The following NRXN3 variants were observed in gnomAD, a reference collection of about 807,000 sequenced individuals.
NRXN3 encodes neurexin 3.
Under a neutral mutation model 137.6 loss-of-function variants are expected in NRXN3, and 32 were observed. The ratio of observed to expected loss-of-function variants is 0.23; its 90% CI spans 0.18 to 0.31. NRXN3 has a LOEUF of 0.31. Among genes scored for constraint, NRXN3 ranks in the 10% least tolerant of loss-of-function variants. The probability of loss-of-function intolerance (pLI) is 1.00; values close to 1 mark genes in which losing one functional copy is unlikely to be tolerated. For missense variants in NRXN3, 1,574 were observed against 2,062.5 expected (o/e 0.76, Z 4.59); for synonymous variants, 798 against 784.5 (o/e 1.02, Z -0.29).
At chr14:79,860,661 CTTAAG>C (rs965395962) in intron 20 of NRXN3, among the ~76,000 whole-genome samples, 7 of 152,212 alleles carry the variant, frequency 4.6e-5, no homozygotes, top group South Asian at 2.1e-4. Context: ...TTAATAAATT[CTTAAG>C]TTAAGCACAC....
intron 20 of NRXN3, among the ~76,000 whole-genome samples, chr14:79,847,551 G>A (rs765456186): frequency 2.6e-5 from 4 of 152,060 alleles, no homozygotes; most frequent in Non-Finnish European, 5.9e-5. Flanking sequence ...CAAAGATTTT[G>A]TCCTAACTCA....
chr14:78,571,727 A>T (rs953605498), intron 4 of NRXN3, among the ~76,000 whole-genome samples: 1 of 152,234 alleles, frequency 6.6e-6, no homozygotes, highest in Non-Finnish European at 1.5e-5. Flanking sequence ...CACAAAGTGC[A>T]CGCACATATT....
intron 10 of NRXN3, among the ~76,000 whole-genome samples, chr14:78,845,757 T>C (rs561231985): frequency 6.6e-6 from 1 of 152,196 alleles, no homozygotes; most frequent in South Asian, 2.1e-4. Flanking sequence ...CTATAGCTGA[T>C]ACATTATAAT....
At chr14:79,695,003 C>T (rs2098730213) in intron 18 of NRXN3, among the ~76,000 whole-genome samples, 1 of 152,044 alleles carries the variant, frequency 6.6e-6, no homozygotes, top group Admixed American at 6.6e-5. Flanking sequence ...GTCTTATTCT[C>T]AAGAATTGAT....
intron 10 of NRXN3, among the ~76,000 whole-genome samples, chr14:78,875,281 T>C (rs2099111405): frequency 6.6e-6 from 1 of 152,202 alleles, no homozygotes; most frequent in Non-Finnish European, 1.5e-5. Flanking sequence ...AACTTGCTAA[T>C]TAGTCTGGAG....
chr14:79,220,437 A>G (rs2069373156), intron 15 of NRXN3, among the ~76,000 whole-genome samples: 1 of 152,166 alleles, frequency 6.6e-6, no homozygotes, highest in Admixed American at 6.5e-5. Context: ...ATTTCTTACA[A>G]TTGATGAAAC....
chr14:79,435,440 G>A (rs2095830284), intron 15 of NRXN3, among the ~76,000 whole-genome samples: 1 of 152,036 alleles, frequency 6.6e-6, no homozygotes, highest in African/African-American at 2.4e-5. Context: ...GAAAGATGTT[G>A]TGGGACAGAA....
intron 15 of NRXN3, among the ~76,000 whole-genome samples, chr14:79,370,287 G>C (rs1240047707): frequency 6.6e-6 from 1 of 150,766 alleles, no homozygotes. Flanking sequence ...AAGTTTATCG[G>C]GTTTTTTTTG....
At chr14:79,425,719 A>C (rs566221602) in intron 15 of NRXN3, among the ~76,000 whole-genome samples, 1 of 152,304 alleles carries the variant, frequency 6.6e-6, no homozygotes, top group African/African-American at 2.4e-5. Context: ...ATATTAAAAC[A>C]AAAGGCTTTG....
intron 10 of NRXN3, among the ~76,000 whole-genome samples, chr14:78,821,523 C>A (rs775269139): frequency 1.3e-5 from 2 of 151,972 alleles, no homozygotes; most frequent in African/African-American, 2.4e-5. Flanking sequence ...TTGAAAGGAG[C>A]AGAAACAGTG....
chr14:78,637,408 T>A (rs1467939576), intron 4 of NRXN3, among the ~76,000 whole-genome samples: 1 of 152,230 alleles, frequency 6.6e-6, no homozygotes, highest in Non-Finnish European at 1.5e-5. Flanking sequence ...TCTGTGTGCC[T>A]ATATCACCTA....
intron 11 of NRXN3, among the ~76,000 whole-genome samples, chr14:78,964,732 C>A (rs2099414260): frequency 6.6e-6 from 1 of 151,676 alleles, no homozygotes; most frequent in Non-Finnish European, 1.5e-5. Flanking sequence ...AATTTCTACT[C>A]TGGCCACATT....
Position 78,968,213 on chromosome 14 carries a change from C to G in NRXN3, c.3009C>G (p.Ser1003Arg), listed in dbSNP as rs1415043540. The change falls in exon 14 of 21, where the codon AGC becomes AGG. Residue 1003 changes from serine to arginine, a missense_variant. Ser to Arg is a moderately radical substitution (Grantham distance 110). Coordinates refer to ENST00000335750, the MANE Select transcript of NRXN3 (RefSeq NM_001330195.2). ...CTGGTCTGGCCCAAGGCATGTACAG[C>G]AACCTCCCAAAGCTCGTGGCCTCTC... is the stretch of plus-strand genomic sequence containing the variant. ...YMAGLAQGMY[S>R]NLPKLVASRD... 4 of 1,613,866 alleles carry G rather than the reference C, an allele frequency of 2.5e-6. No homozygotes were observed. The African/African-American group carries it at 5.3e-5, about 22-fold the overall frequency.
intron 8 of NRXN3, among the ~76,000 whole-genome samples, chr14:78,758,676 T>G (rs1012857093): frequency 6.6e-6 from 1 of 152,230 alleles, no homozygotes; most frequent in Non-Finnish European, 1.5e-5. Context: ...TCAAATGGCC[T>G]TACAACAACA....
chr14:79,710,422 C>T (rs1217916221), intron 19 of NRXN3, among the ~76,000 whole-genome samples: 2 of 152,078 alleles, frequency 1.3e-5, no homozygotes, highest in Admixed American at 6.6e-5. Flanking sequence ...GTTTCTCATT[C>T]AAAGAAAGGG....
chr14:78,297,402 A>G (rs2076451528), intron 3 of NRXN3, among the ~76,000 whole-genome samples: 2 of 152,242 alleles, frequency 1.3e-5, no homozygotes, highest in Non-Finnish European at 2.9e-5. Context: ...AAGTTTCTAC[A>G]GTGACCATGT....
At chr14:78,501,812 G>T (rs2095881310) in intron 4 of NRXN3, among the ~76,000 whole-genome samples, 1 of 152,082 alleles carries the variant, frequency 6.6e-6, no homozygotes, top group Admixed American at 6.5e-5. Context: ...GTGGAAGCAT[G>T]GAATAAGGAA....
intron 15 of NRXN3, among the ~76,000 whole-genome samples, chr14:79,179,238 AAAC>A (rs1468819498): frequency 2.6e-5 from 4 of 152,174 alleles, no homozygotes; most frequent in Non-Finnish European, 5.9e-5. Flanking sequence ...AAGAGCAAGA[AAAC>A]AACAACAACA....
At chr14:79,265,458 A>G (rs1469716486) in intron 15 of NRXN3, among the ~76,000 whole-genome samples, 2 of 151,962 alleles carry the variant, frequency 1.3e-5, no homozygotes, top group African/African-American at 4.8e-5. Context: ...TGGTAGCTAA[A>G]GAAGAGAAAT....
Sources: allele counts gnomAD v4.1 joint callset (sites outside exome capture counted in the v4.1 genomes callset), GRCh38; gene constraint gnomAD v4.1.1; transcripts MANE v1.5; gene names NCBI Gene and HGNC (gene_info 2026-07-23, HGNC 2026-07-21).